The following IGF2BP1 variants were observed in gnomAD, a reference collection of about 807,000 sequenced individuals.
IGF2BP1 encodes insulin like growth factor 2 mRNA binding protein 1.
Under a neutral mutation model 74.9 loss-of-function variants are expected in IGF2BP1, and 11 were observed. That is an observed-to-expected ratio of 0.15 (90% CI 0.09 to 0.24). IGF2BP1 has a LOEUF of 0.24. Among genes scored for constraint, IGF2BP1 ranks in the 10% least tolerant of loss-of-function variants. IGF2BP1 has a pLI of 1.00. For missense variants in IGF2BP1, 440 were observed against 757.4 expected (o/e 0.58, Z 4.92); for synonymous variants, 287 against 281.8 (o/e 1.02, Z -0.18).
At chr17:49,049,078 G>A (rs892749431) in intron 14 of IGF2BP1, among the ~76,000 whole-genome samples, 8 of 152,128 alleles carry the variant, frequency 5.3e-5, no homozygotes, top group Non-Finnish European at 1.0e-4. Context: ...TGAATGGATT[G>A]ATACTACTGT....
At chr17:49,008,045 A>G (rs1283024745) in intron 2 of IGF2BP1, among the ~76,000 whole-genome samples, 1 of 152,010 alleles carries the variant, frequency 6.6e-6, no homozygotes, top group African/African-American at 2.4e-5. Flanking sequence ...GGTGGCTGGC[A>G]CCTGTAATCC....
At chr17:49,007,852 T>G (rs2041568901) in intron 2 of IGF2BP1, among the ~76,000 whole-genome samples, 1 of 152,142 alleles carries the variant, frequency 6.6e-6, no homozygotes, top group Non-Finnish European at 1.5e-5. Context: ...CCAGTTGCTT[T>G]GGCAGGATTT....
intron 3 of IGF2BP1, among the ~76,000 whole-genome samples, 187 bp downstream of exon 3, chr17:49,025,853 C>CTTTTTTTTTTTTTTTTTT (rs749731111): frequency 7.1e-6 from 1 of 140,366 alleles, no homozygotes; most frequent in African/African-American, 2.8e-5. Context: ...TCTTTCTTTT[C>CTTTTTTTTTTTTTTTTTT]TTTCTTTTTT....
rs1336015522 is a variant in IGF2BP1, at chr17:49,054,184, C to G, written c.*4740C>G. The G allele has an allele frequency of 2.0e-5, 3 of 152,702 alleles. No homozygotes were observed. Among genetic ancestry groups the G allele is most frequent in the East Asian group, 3.9e-4 (2 of 5,190 alleles). The allele number at this position is 152,702 out of a possible 1,614,324, so 9.5% of individuals were successfully genotyped here. A position where few individuals can be genotyped will look rare whatever the true frequency, so the allele number is the denominator to read the frequency against. ...GGGCGAGAGCCCCAGCCCTGACCCT[C>G]GGTCCTGTGCACCGCTTTGGGGCAC... On this transcript the variant is annotated 3_prime_UTR_variant, in exon 15 of 15. Transcript: ENST00000290341.
chr17:49,036,671 T>C (rs11870560), intron 5 of IGF2BP1: 86,718 of 152,086 alleles, frequency 0.57, 26,370 homozygotes, highest in African/African-American at 0.78. Flanking sequence ...TGCCTTGGGC[T>C]GGGCGCGATG....
At chr17:49,016,418 CGTGTGTGTGTGTGTGT>C (rs59845226) in intron 2 of IGF2BP1, among the ~76,000 whole-genome samples, 1 of 150,858 alleles carries the variant, frequency 6.6e-6, no homozygotes, top group East Asian at 1.9e-4. Flanking sequence ...TGCGTGCGCA[CGTGTGTGTGTGTGTGT>C]GGGATCATAT....
At chr17:49,019,279 T>C (rs2041745828) in intron 2 of IGF2BP1, among the ~76,000 whole-genome samples, 1 of 152,092 alleles carries the variant, frequency 6.6e-6, no homozygotes, top group South Asian at 2.1e-4. Context: ...ATCTGGTGCA[T>C]TTGCTCCTTC....
chr17:49,025,313 AGT>A (rs369153046), intron 2 of IGF2BP1, among the ~76,000 whole-genome samples: 13,056 of 133,480 alleles, frequency 0.098, 726 homozygotes, highest in Admixed American at 0.17. Flanking sequence ...GGACAAACAA[AGT>A]GTGTGTGTGT....
intron 5 of IGF2BP1, among the ~76,000 whole-genome samples, chr17:49,034,835 G>T (rs2041969120): frequency 6.6e-6 from 1 of 151,776 alleles, no homozygotes; most frequent in Non-Finnish European, 1.5e-5. Context: ...TCAACCAAAG[G>T]AGGTGCCAGA....
Position 49,051,843 on chromosome 17 carries a change from TTTG to T in IGF2BP1, c.*2402_*2404del, listed in dbSNP as rs2042170571. 6.6e-6 allele frequency: 1 copy of T among 152,160 alleles called. No homozygotes were observed. The highest frequency in any genetic ancestry group is 6.5e-5 in the Admixed American group (1 of 15,276). The allele number at this position is 152,160 out of a possible 1,614,324, so 9.4% of individuals were successfully genotyped here. On this transcript the variant is annotated 3_prime_UTR_variant, in exon 15 of 15. Coordinates refer to ENST00000290341, the MANE Select transcript of IGF2BP1 (RefSeq NM_006546.4). ...ATTGCAATGCTTTTCATTTTTTTTT[TTTG>T]TTATTGTTTCATTTCAGTTCCGTCT...
intron 3 of IGF2BP1, among the ~76,000 whole-genome samples, chr17:49,026,035 A>G (rs144287081): frequency 6.6e-6 from 1 of 151,424 alleles, no homozygotes; most frequent in Non-Finnish European, 1.5e-5. Flanking sequence ...TTGTGTTTTT[A>G]TTGGAGACAG....
intron 12 of IGF2BP1, 149 bp downstream of exon 12, chr17:49,045,214 A>G: frequency 1.7e-6 from 1 of 603,676 alleles, no homozygotes; most frequent in Non-Finnish European, 2.9e-6. Flanking sequence ...AAAGGGCTGC[A>G]GAGCTATTTT....
chr17:49,039,538 C>T (rs2042026979), intron 6 of IGF2BP1, among the ~76,000 whole-genome samples: 1 of 152,100 alleles, frequency 6.6e-6, no homozygotes, highest in Non-Finnish European at 1.5e-5. Flanking sequence ...AATTCTTGTG[C>T]CTCAGCCTCC....
intron 5 of IGF2BP1, among the ~76,000 whole-genome samples, chr17:49,032,820 T>C (rs1427654391): frequency 6.6e-6 from 1 of 152,164 alleles, no homozygotes; most frequent in African/African-American, 2.4e-5. Context: ...ATTGTTGCTG[T>C]GTTCTTGTTT....
intron 2 of IGF2BP1, among the ~76,000 whole-genome samples, chr17:49,003,726 G>A (rs1413251092): frequency 6.7e-6 from 1 of 149,386 alleles, no homozygotes; most frequent in Non-Finnish European, 1.5e-5. Flanking sequence ...AAAGCAGCAG[G>A]GGGAGACTGG....
At chr17:48,999,958 G>GTGTGTA (rs1258412718) in intron 2 of IGF2BP1, among the ~76,000 whole-genome samples, 2 of 150,986 alleles carry the variant, frequency 1.3e-5, no homozygotes, top group Non-Finnish European at 3.0e-5. Flanking sequence ...GTGTGTGTGT[G>GTGTGTA]TGTGTTCGTG....
At chr17:49,007,556 T>A (rs1426648346) in intron 2 of IGF2BP1, among the ~76,000 whole-genome samples, 1 of 152,244 alleles carries the variant, frequency 6.6e-6, no homozygotes, top group Non-Finnish European at 1.5e-5. Flanking sequence ...TTCAGTCTTT[T>A]AACAGGCTTG....
chr17:49,049,298 A>C, intron 14 of IGF2BP1, 54 bp from the exon 15 acceptor site: 1 of 1,496,362 alleles, frequency 6.7e-7, no homozygotes, highest in Non-Finnish European at 9.3e-7. Flanking sequence ...TCTTCCGTGG[A>C]AGGCTGTCTC....
At chr17:49,011,607 T>G (rs1050171123) in intron 2 of IGF2BP1, among the ~76,000 whole-genome samples, 1 of 151,966 alleles carries the variant, frequency 6.6e-6, no homozygotes, top group Non-Finnish European at 1.5e-5. Flanking sequence ...GAAGGTTGCG[T>G]GAGCTCACGT....
Sources: allele counts gnomAD v4.1 joint callset (sites outside exome capture counted in the v4.1 genomes callset), GRCh38; gene constraint gnomAD v4.1.1; transcripts MANE v1.5; gene names NCBI Gene and HGNC (gene_info 2026-07-23, HGNC 2026-07-21).